The following GCC2 variants were observed in gnomAD, a reference collection of about 807,000 sequenced individuals.
GCC2 encodes the protein GRIP and coiled-coil domain-containing protein 2.
GCC2 carries 120 observed loss-of-function variants against 210.6 expected under a neutral mutation model. That is an observed-to-expected ratio of 0.57 (90% CI 0.49 to 0.66). GCC2 has a LOEUF of 0.66. GCC2 is among the 30% of genes least tolerant of loss of function. GCC2 has a pLI of 0.00. For synonymous variants in GCC2, 703 were observed against 652.7 expected, an observed-to-expected ratio of 1.08 and a Z score of -1.17; for missense variants, 1,868 against 1,871.9, an observed-to-expected ratio of 1.00 and a Z score of 0.04.
intron 18 of GCC2, among the ~76,000 whole-genome samples, chr2:108,491,921 T>C (rs574097070): frequency 4.6e-5 from 7 of 152,142 alleles, no homozygotes; most frequent in South Asian, 2.1e-4. Flanking sequence ...CTACTAAAAG[T>C]AGGAAATTCC....
In GCC2 at chr2:108,483,172, A is replaced by T; in HGVS notation, c.3450+6A>T. 7.9e-7 allele frequency: 1 copy of T among 1,259,792 alleles called. No individual in the cohort carries two copies. The highest frequency in any genetic ancestry group is 1.2e-6 in the Non-Finnish European group (1 of 860,966). 78.0% of individuals were successfully genotyped at this position (1,259,792 alleles called of 1,614,324 possible). ...AATTAGAGCTGGTTAAAAAGGTAAA[A>T]TAAAACACTAGGATCAAAATTGATG... On this transcript the variant is annotated splice_donor_region_variant and intron_variant, in intron 12 of 22. Coordinates refer to ENST00000309863, the MANE Select transcript of GCC2 (RefSeq NM_181453.4).
intron 9 of GCC2, among the ~76,000 whole-genome samples, chr2:108,476,149 C>T (rs1681512813): frequency 6.6e-6 from 1 of 150,822 alleles, no homozygotes; most frequent in Non-Finnish European, 1.5e-5. Context: ...CACCCTCTGC[C>T]CCCAGGTTCC....
rs1238971122 is a variant in GCC2 at position 108,452,403 on chromosome 2, G to A, written c.153G>A (p.Leu51=). Residue 51 remains leucine (L), a synonymous_variant, in exon 4 of 23, where the codon TTG becomes TTA. Coordinates refer to ENST00000309863, the MANE Select transcript of GCC2 (RefSeq NM_181453.4). ...CTTTATTTTTTAATTGTTTAGAATT[G>A]GAGAAAGAAATTGAAGAACTCAGAT... ...IQKAKSRCTE[L]EKEIEELRSK... 6.7e-7 allele frequency: 1 copy of A among 1,495,276 alleles called. No individual in the cohort carries two copies. The highest frequency in any genetic ancestry group is 9.3e-7 in the Non-Finnish European group (1 of 1,072,968). 92.6% of individuals were successfully genotyped at this position (1,495,276 alleles called of 1,614,324 possible).
intron 2 of GCC2, 31 bp from the exon 3 acceptor site, chr2:108,450,996 TA>T: frequency 7.1e-7 from 1 of 1,412,446 alleles, no homozygotes; most frequent in Non-Finnish European, 1.0e-6. Context: ...ACATGAGTTA[TA>T]ACAAGTTGGT....
At chr2:108,503,157 C>G (rs1467260573) in intron 22 of GCC2, among the ~76,000 whole-genome samples, 1 of 136,288 alleles carries the variant, frequency 7.3e-6, no homozygotes, top group African/African-American at 2.5e-5. Flanking sequence ...AATAAAATCT[C>G]AAGCAGTATT....
chr2:108,471,923 A>G lies in GCC2; in HGVS notation c.2594A>G (p.Lys865Arg), dbSNP rs1244424916. The G allele has an allele frequency of 6.2e-7, 1 of 1,602,418 alleles. No individual in the cohort carries two copies. Among genetic ancestry groups the G allele is most frequent in the South Asian group, 1.1e-5 (1 of 88,002 alleles). Residue 865 changes from lysine to arginine, a missense_variant, in exon 6 of 23, where the codon AAG becomes AGG. By Grantham distance (26) the Lys-to-Arg change is conservative. Coordinates refer to ENST00000309863, the MANE Select transcript of GCC2 (RefSeq NM_181453.4). Reference protein sequence around the residue: ...EALQSDLLEMKNANEKTRLEN... With the variant: ...EALQSDLLEMRNANEKTRLEN... ...CTGCAGTCTGATCTTCTAGAAATGA[A>G]GAATGCTAATGAAAAAACAAGGCTT... is the stretch of plus-strand genomic sequence containing the variant.
In GCC2 at chr2:108,495,515, T is replaced by C. The variant is rs775109376; in HGVS notation, c.4642+30T>C. On this transcript the variant is annotated intron_variant, in intron 20 of 22. Coordinates refer to ENST00000309863, the MANE Select transcript of GCC2 (RefSeq NM_181453.4). ...GTTACTCTGTCTAAATATGTTTTTC[T>C]TATTTAATTTCACTGTCTTATTTAA... The C allele has an allele frequency of 6.1e-5, 87 of 1,434,500 alleles. No individual in the cohort carries two copies. The South Asian group carries it at 1.0e-3, about 17-fold the overall frequency. The allele number at this position is 1,434,500 out of a possible 1,614,324, so 88.9% of individuals were successfully genotyped here.
chr2:108,504,122 T>A (rs1392435992), intron 22 of GCC2, among the ~76,000 whole-genome samples: 3 of 151,438 alleles, frequency 2.0e-5, no homozygotes, highest in Non-Finnish European at 2.9e-5. Context: ...ACCCCATCTT[T>A]AAAAAAAAAT....
chr2:108,460,964 C>A (rs1302046317), intron 4 of GCC2, among the ~76,000 whole-genome samples: 1 of 152,186 alleles, frequency 6.6e-6, no homozygotes, highest in Non-Finnish European at 1.5e-5. Context: ...TTCCTCTTTG[C>A]CTTCTGCCAT....
chr2:108,469,862 A>C lies in GCC2; in HGVS notation c.533A>C (p.Asp178Ala). Residue 178 changes from aspartate to alanine, a missense_variant, in exon 6 of 23, where the codon GAT becomes GCT. Asp to Ala is a moderately radical substitution (Grantham distance 126). Coordinates refer to ENST00000309863, the MANE Select transcript of GCC2 (RefSeq NM_181453.4). ...EQLKFQNNSE[D>A]NVKKLQEEIE... ...CTTAAATTTCAGAACAACTCTGAAGATAATGTTAAAAAACTACAAGAAGAG... is the reference window on the plus strand; with the variant it reads ...CTTAAATTTCAGAACAACTCTGAAGCTAATGTTAAAAAACTACAAGAAGAG... 6.2e-7 allele frequency: 1 copy of C among 1,611,950 alleles called. No homozygotes were observed. The highest frequency in any genetic ancestry group is 8.5e-7 in the Non-Finnish European group (1 of 1,179,000).
chr2:108,449,733 G>A, intron 2 of GCC2, 44 bp downstream of exon 2: 1 of 1,525,122 alleles, frequency 6.6e-7, no homozygotes, highest in Non-Finnish European at 9.1e-7. Context: ...AGAGTGGAAG[G>A]GTGATGAATT....
Position 108,470,635 on chromosome 2 carries a change from G to T in GCC2, c.1306G>T (p.Glu436Ter). 6.2e-7 allele frequency: 1 copy of T among 1,612,124 alleles called. No homozygotes were observed. Among genetic ancestry groups the T allele is most frequent in the Non-Finnish European group, 8.5e-7 (1 of 1,178,944 alleles). The change falls in exon 6 of 23, where the codon GAA becomes TAA. Residue 436 changes from glutamate to a stop codon, truncating the protein, a stop_gained. Coordinates refer to ENST00000309863, the MANE Select transcript of GCC2 (RefSeq NM_181453.4). LOFTEE classifies it high-confidence loss of function. ...VQSLKEQHQKEISELNETFLS... is the reference protein window; with the variant it reads ...VQSLKEQHQK ...GAGTCTTAAGGAACAACATCAAAAA[G>T]AAATATCAGAACTAAATGAGACATT...
chr2:108,470,845 G>C lies in GCC2; in HGVS notation c.1516G>C (p.Glu506Gln). The stretch of plus-strand genomic sequence containing the variant: ...TGCTGGAAAAATAAGTCAAGAGTTC[G>C]AATCAATGAAGCAACAGCAAGCATC... ...ESAGKISQEF[E>Q]SMKQQQASDV... The change falls in exon 6 of 23, where the codon GAA becomes CAA. Residue 506 changes from glutamate to glutamine, a missense_variant. This residue lies in a region of GCC2 where 1,847 missense variants were observed against 1,765.2 expected (regional missense o/e 1.05). Coordinates refer to ENST00000309863, the MANE Select transcript of GCC2 (RefSeq NM_181453.4). The C allele has an allele frequency of 6.2e-7, 1 of 1,613,718 alleles. No individual in the cohort carries two copies. Among genetic ancestry groups the C allele is most frequent in the Non-Finnish European group, 8.5e-7 (1 of 1,179,760 alleles).
chr2:108,486,004 A>G, intron 15 of GCC2, 96 bp downstream of exon 15: 3 of 596,670 alleles, frequency 5.0e-6, no homozygotes, highest in Non-Finnish European at 8.8e-6. Flanking sequence ...AACGATATCT[A>G]GAAAGATTCC....
intron 22 of GCC2, among the ~76,000 whole-genome samples, chr2:108,505,852 AAC>A (rs1398422328): frequency 6.6e-6 from 1 of 152,240 alleles, no homozygotes; most frequent in Non-Finnish European, 1.5e-5. Flanking sequence ...GATTGTAAAT[AAC>A]ACGCAGATAA....
chr2:108,504,150 A>C (rs1452709478), intron 22 of GCC2, among the ~76,000 whole-genome samples: 3 of 152,184 alleles, frequency 2.0e-5, no homozygotes, highest in Non-Finnish European at 4.4e-5. Context: ...TAAAAATAAT[A>C]TGTCAAACAT....
chr2:108,475,735 A>G lies in GCC2; in HGVS notation c.2962-17A>G, dbSNP rs756429109. 30 of 1,551,664 alleles carry G rather than the reference A, an allele frequency of 1.9e-5. No homozygotes were observed. In the South Asian group the frequency reaches 3.4e-4, roughly 18 times the overall value. ...AAAAAACAAAAACCTCTTTAATTTT[A>G]CTTGTGTTTAAAACAGACCCAGACT... On this transcript the variant is annotated splice_polypyrimidine_tract_variant and intron_variant, in intron 8 of 22. Coordinates refer to ENST00000309863, the MANE Select transcript of GCC2 (RefSeq NM_181453.4).
At chr2:108,503,802 A>AT (rs4012128) in intron 22 of GCC2, among the ~76,000 whole-genome samples, 1 of 152,196 alleles carries the variant, frequency 6.6e-6, no homozygotes, top group Admixed American at 6.5e-5. Flanking sequence ...CATTCAGAAT[A>AT]TTTTTTTAAA....
At chr2:108,450,515 G>A (rs1330650859) in intron 2 of GCC2, among the ~76,000 whole-genome samples, 2 of 152,188 alleles carry the variant, frequency 1.3e-5, no homozygotes, top group Non-Finnish European at 2.9e-5. Flanking sequence ...TGGTTTTTAC[G>A]TTTCATAGTA....
Sources: allele counts gnomAD v4.1 joint callset (sites outside exome capture counted in the v4.1 genomes callset), GRCh38; gene constraint gnomAD v4.1.1; regional missense constraint gnomAD v4.1.1; transcripts MANE v1.5; gene names NCBI Gene and HGNC (gene_info 2026-07-23, HGNC 2026-07-21).